CERS6: variants seen among roughly 807,000 people sequenced by gnomAD.
CERS6 encodes LAG1 homolog, ceramide synthase 6.
Under a neutral mutation model 56.8 loss-of-function variants are expected in CERS6, and 26 were observed. That is an observed-to-expected ratio of 0.46 (90% CI 0.34 to 0.63). CERS6 has a LOEUF of 0.63. Ranked by LOEUF, CERS6 falls within the 30% of genes least tolerant of loss-of-function variation. CERS6 has a pLI of 0.01. For synonymous variants in CERS6, 164 were observed against 173.3 expected, an observed-to-expected ratio of 0.95 and a Z score of 0.42; for missense variants, 415 against 467.5, an observed-to-expected ratio of 0.89 and a Z score of 1.04.
chr2:168,672,935 G>C (rs985445610), intron 4 of CERS6, among the ~76,000 whole-genome samples: 1 of 152,104 alleles, frequency 6.6e-6, no homozygotes, highest in African/African-American at 2.4e-5. Flanking sequence ...TTCCTTCCTT[G>C]TAATTAACTG....
intron 1 of CERS6, among the ~76,000 whole-genome samples, chr2:168,545,863 G>A (rs1377810216): frequency 6.6e-6 from 1 of 151,362 alleles, no homozygotes; most frequent in Non-Finnish European, 1.5e-5. Flanking sequence ...AGTCGGAAGG[G>A]AATGTGAACA....
intron 3 of CERS6, among the ~76,000 whole-genome samples, chr2:168,564,464 C>G (rs1045600061): frequency 2.6e-5 from 4 of 152,126 alleles, no homozygotes; most frequent in Non-Finnish European, 5.9e-5. Context: ...AATTATTTTT[C>G]TAAAATACTA....
At chr2:168,620,009 AT>A (rs2105282709) in intron 3 of CERS6, among the ~76,000 whole-genome samples, 1 of 39,448 alleles carries the variant, frequency 2.5e-5, no homozygotes, top group Admixed American at 3.0e-4. Flanking sequence ...TGGTTCCACA[AT>A]CCATACACAC....
chr2:168,547,850 G>C, intron 2 of CERS6, 149 bp downstream of exon 2: 1 of 628,792 alleles, frequency 1.6e-6, no homozygotes. Context: ...TGCAAGCGTA[G>C]TAGAAGCGGA....
chr2:168,769,749 A>G lies in CERS6; in HGVS notation c.*87A>G. ...TTGCAAATGCAGTTCCTTTCATAAT[A>G]TCTCAGCACCAGAAACAAAAATTAA... is the stretch of plus-strand genomic sequence containing the variant. On this transcript the variant is annotated 3_prime_UTR_variant, in exon 10 of 10. Transcript: ENST00000305747. The G allele has an allele frequency of 1.4e-6, 2 of 1,386,546 alleles. No individual in the cohort carries two copies. Among genetic ancestry groups the G allele is most frequent in the Admixed American group, 2.0e-5 (1 of 50,048 alleles). 85.9% of individuals were successfully genotyped at this position (1,386,546 alleles called of 1,614,324 possible).
chr2:168,506,245 G>GT (rs1050506842), intron 1 of CERS6, among the ~76,000 whole-genome samples: 20 of 151,962 alleles, frequency 1.3e-4, no homozygotes, highest in African/African-American at 3.1e-4. Flanking sequence ...CTGTCTGACA[G>GT]TTTTTTTTCA....
intron 6 of CERS6, among the ~76,000 whole-genome samples, chr2:168,711,439 T>G (rs1414953127): frequency 1.3e-5 from 2 of 152,164 alleles, no homozygotes; most frequent in African/African-American, 4.8e-5. Flanking sequence ...TCCAGTCTCT[T>G]AATTGTATAG....
intron 1 of CERS6, among the ~76,000 whole-genome samples, chr2:168,529,989 A>G (rs1232361772): frequency 6.6e-6 from 1 of 152,016 alleles, no homozygotes; most frequent in Non-Finnish European, 1.5e-5. Flanking sequence ...GAGGCGCTGA[A>G]GGCCTGCTTC....
intron 7 of CERS6, among the ~76,000 whole-genome samples, chr2:168,716,328 A>G (rs1687225428): frequency 6.6e-6 from 1 of 152,130 alleles, no homozygotes; most frequent in Non-Finnish European, 1.5e-5. Flanking sequence ...GTTTGCTTGA[A>G]TGTAGAAATT....
chr2:168,493,142 C>A (rs1279639998), intron 1 of CERS6, among the ~76,000 whole-genome samples: 1 of 152,016 alleles, frequency 6.6e-6, no homozygotes, highest in Non-Finnish European at 1.5e-5. Context: ...AATTTCTGTT[C>A]TTTTGAAACT....
intron 1 of CERS6, among the ~76,000 whole-genome samples, chr2:168,502,758 C>T (rs1478485142): frequency 6.6e-6 from 1 of 152,206 alleles, no homozygotes; most frequent in African/African-American, 2.4e-5. Flanking sequence ...ATGTAGTTCC[C>T]CCTGTTGGGC....
intron 1 of CERS6, among the ~76,000 whole-genome samples, chr2:168,489,578 T>C (rs1694331860): frequency 6.6e-6 from 1 of 151,994 alleles, no homozygotes; most frequent in African/African-American, 2.4e-5. Context: ...CAAATTTTTT[T>C]TTCTTTGTTC....
chr2:168,669,437 C>T (rs1297620677), intron 4 of CERS6, among the ~76,000 whole-genome samples: 3 of 152,114 alleles, frequency 2.0e-5, no homozygotes, highest in African/African-American at 7.2e-5. Flanking sequence ...GTCATCTTTG[C>T]TTTTTCAGGA....
At chr2:168,520,120 AT>A (rs1402519823) in intron 1 of CERS6, among the ~76,000 whole-genome samples, 6 of 152,076 alleles carry the variant, frequency 3.9e-5, no homozygotes, top group Non-Finnish European at 7.4e-5. Context: ...AATAATAGCC[AT>A]TGTGTCTGGT....
intron 4 of CERS6, among the ~76,000 whole-genome samples, chr2:168,678,312 G>T (rs1686118841): frequency 6.6e-6 from 1 of 152,134 alleles, no homozygotes; most frequent in Non-Finnish European, 1.5e-5. Context: ...CAGGCCTACG[G>T]GAGCTAGATT....
At chr2:168,547,531 G>A (rs762449665) in intron 1 of CERS6, 65 bp from the exon 2 acceptor site, 6 of 828,434 alleles carry the variant, frequency 7.2e-6, no homozygotes, top group Non-Finnish European at 1.1e-5. Context: ...GTAACTGGTG[G>A]CATTAAGAAT....
intron 1 of CERS6, among the ~76,000 whole-genome samples, chr2:168,495,497 G>A (rs1694450593): frequency 6.6e-6 from 1 of 152,156 alleles, no homozygotes; most frequent in Non-Finnish European, 1.5e-5. Flanking sequence ...CAAAGTCTAG[G>A]TGGAGAAGCA....
intron 3 of CERS6, among the ~76,000 whole-genome samples, chr2:168,580,117 A>G (rs1683372605): frequency 1.3e-5 from 2 of 152,194 alleles, no homozygotes; most frequent in Non-Finnish European, 2.9e-5. Flanking sequence ...ATACAAGTAG[A>G]ATGTGCTTAG....
chr2:168,664,745 G>A (rs1204915519), intron 4 of CERS6, among the ~76,000 whole-genome samples: 1 of 152,164 alleles, frequency 6.6e-6, no homozygotes, highest in African/African-American at 2.4e-5. Flanking sequence ...GTGGGTTTTG[G>A]CCAGCTCCTT....
Sources: allele counts gnomAD v4.1 joint callset (sites outside exome capture counted in the v4.1 genomes callset), GRCh38; gene constraint gnomAD v4.1.1; transcripts MANE v1.5; gene names NCBI Gene and HGNC (gene_info 2026-07-23, HGNC 2026-07-21).